Variants in CSGALNACT1 observed in about 807,000 individuals in gnomAD.
CSGALNACT1 encodes chondroitin sulfate N-acetylgalactosaminyltransferase 1, also known as beta4GalNAcT-1.
Under a neutral mutation model 51.0 loss-of-function variants are expected in CSGALNACT1, and 52 were observed. The observed-to-expected ratio is 1.02, with a 90% CI of 0.82 to 1.29. The LOEUF is 1.29. Ranked by LOEUF, CSGALNACT1 falls within the 50% of genes most tolerant of loss-of-function variation. CSGALNACT1 has a pLI of 0.00. For synonymous variants in CSGALNACT1, 341 were observed against 254.4 expected, an observed-to-expected ratio of 1.34 and a Z score of -3.24; for missense variants, 935 against 679.2, an observed-to-expected ratio of 1.38 and a Z score of -4.19.
intron 4 of CSGALNACT1, among the ~76,000 whole-genome samples, chr8:19,501,277 G>C (rs992583555): frequency 1.6e-4 from 24 of 150,398 alleles, no homozygotes; most frequent in Non-Finnish European, 3.0e-4. Flanking sequence ...AAAGAATAAG[G>C]GCAAGCTAGC....
At chr8:19,544,711 G>A (rs1454307352) in intron 3 of CSGALNACT1, among the ~76,000 whole-genome samples, 2 of 152,076 alleles carry the variant, frequency 1.3e-5, no homozygotes, top group Non-Finnish European at 2.9e-5. Context: ...TAAATTCCAG[G>A]GGTGAATTAA....
chr8:19,696,034 C>G (rs2061565289), intron 1 of CSGALNACT1, among the ~76,000 whole-genome samples: 1 of 152,136 alleles, frequency 6.6e-6, no homozygotes, highest in Admixed American at 6.5e-5. Flanking sequence ...TTTAAAGACC[C>G]AAGACCAGTA....
In CSGALNACT1 at chr8:19,584,277, C is replaced by T. The variant is rs1432576785; in HGVS notation, c.-297+6883G>A. Among the ~76,000 whole-genome samples the T allele has an allele frequency of 2.0e-5, 3 of 152,192 alleles. No homozygotes were observed. In the South Asian group the frequency reaches 6.2e-4, roughly 31 times the overall value. On this transcript the variant is annotated intron_variant, in intron 3 of 9. Coordinates refer to ENST00000454498, the Ensembl canonical transcript of CSGALNACT1. ...GCCTGAAAGCTTAGAATCCTGTGGT[C>T]CCAGGCAATGTTATTGGTACTCTGT... is the stretch of plus-strand genomic sequence containing the variant.
In CSGALNACT1 at chr8:19,457,574, C is replaced by G. The variant is rs1287626569; in HGVS notation, c.851+852G>C. On this transcript the variant is annotated intron_variant, in intron 5 of 9. Coordinates refer to ENST00000454498, the Ensembl canonical transcript of CSGALNACT1. ...GTTGCAGTGAGCAGAGTTCGTGCCA[C>G]TGCACTCCAGCCTGGGTGACAGAGT... 4 of 865,688 alleles carry G rather than the reference C, an allele frequency of 4.6e-6. No homozygotes were observed. In the South Asian group the frequency reaches 5.5e-5, roughly 12 times the overall value. The allele number at this position is 865,688 out of a possible 1,614,324, so 53.6% of individuals were successfully genotyped here.
chr8:19,741,987 G>C (rs978915719), intron 1 of CSGALNACT1, among the ~76,000 whole-genome samples: 4 of 152,166 alleles, frequency 2.6e-5, no homozygotes, highest in Non-Finnish European at 5.9e-5. Context: ...GTAACCTTGA[G>C]CAAGACATTA....
At chr8:19,554,028 A>C (rs956227572) in intron 3 of CSGALNACT1, among the ~76,000 whole-genome samples, 2 of 152,144 alleles carry the variant, frequency 1.3e-5, no homozygotes, top group African/African-American at 2.4e-5. Context: ...TCCATTGTTC[A>C]ACATCCAGTT....
At chr8:19,540,133 G>A (rs1413905863) in intron 3 of CSGALNACT1, among the ~76,000 whole-genome samples, 2 of 152,070 alleles carry the variant, frequency 1.3e-5, no homozygotes, top group Non-Finnish European at 2.9e-5. Context: ...TATTCCCATG[G>A]CATGTGTTTT....
At chr8:19,496,835 T>G (rs2075564701) in intron 4 of CSGALNACT1, among the ~76,000 whole-genome samples, 1 of 152,178 alleles carries the variant, frequency 6.6e-6, no homozygotes, top group Non-Finnish European at 1.5e-5. Context: ...GAAGTGGAGC[T>G]TCCTTTCGCA....
intron 4 of CSGALNACT1, among the ~76,000 whole-genome samples, chr8:19,480,171 C>T (rs2070961835): frequency 6.6e-6 from 1 of 152,134 alleles, no homozygotes; most frequent in Non-Finnish European, 1.5e-5. Flanking sequence ...TATAGGTAAA[C>T]TTCTGCCCCA....
At chr8:19,528,092 T>G (rs2082049395) in intron 3 of CSGALNACT1, among the ~76,000 whole-genome samples, 1 of 152,080 alleles carries the variant, frequency 6.6e-6, no homozygotes, top group Non-Finnish European at 1.5e-5. Context: ...TGTTATGAAC[T>G]TGGGGGCTGA....
intron 1 of CSGALNACT1, among the ~76,000 whole-genome samples, chr8:19,635,950 G>A (rs758863243): frequency 1.2e-4 from 19 of 152,120 alleles, no homozygotes; most frequent in Middle Eastern, 3.2e-3. Context: ...GGCTGGTCTC[G>A]AACTCCTGAC....
exon 4 of CSGALNACT1, chr8:19,505,621 C>A (rs777058879): frequency 6.2e-6 from 10 of 1,614,044 alleles, no homozygotes; most frequent in African/African-American, 2.7e-5. Flanking sequence ...AGGCTGCTCA[C>A]GTAGTTGCGG....
chr8:19,543,869 G>A (rs1001573890), intron 3 of CSGALNACT1, among the ~76,000 whole-genome samples: 2 of 152,122 alleles, frequency 1.3e-5, no homozygotes, highest in Admixed American at 6.5e-5. Context: ...CCTGAAACAA[G>A]TCCAAAAACA....
intron 1 of CSGALNACT1, among the ~76,000 whole-genome samples, chr8:19,643,099 A>G (rs1167464468): frequency 2.0e-5 from 3 of 152,080 alleles, no homozygotes; most frequent in Admixed American, 6.6e-5. Flanking sequence ...TAATAAATTG[A>G]ATTAGTAAAT....
intron 1 of CSGALNACT1, among the ~76,000 whole-genome samples, chr8:19,636,314 A>C (rs1024157703): frequency 3.9e-5 from 6 of 152,134 alleles, no homozygotes; most frequent in African/African-American, 1.2e-4. Flanking sequence ...TTTATCATAG[A>C]TAAGTATATA....
intron 1 of CSGALNACT1, among the ~76,000 whole-genome samples, chr8:19,653,036 G>T (rs2057954140): frequency 6.6e-6 from 1 of 152,100 alleles, no homozygotes; most frequent in Non-Finnish European, 1.5e-5. Context: ...GCATACACTT[G>T]TAATGAAAAC....
chr8:19,692,868 T>G (rs958619473), intron 1 of CSGALNACT1, among the ~76,000 whole-genome samples: 1 of 152,182 alleles, frequency 6.6e-6, no homozygotes, highest in Non-Finnish European at 1.5e-5. Context: ...GAATAAGCAC[T>G]GTCACCTGGC....
In CSGALNACT1 at chr8:19,532,301, A is replaced by G. The variant is rs574613271; in HGVS notation, c.-296-26171T>C. 2.1e-3 allele frequency among the ~76,000 whole-genome samples: 322 copies of G among 152,222 alleles called. 3 individuals carry two copies. Among genetic ancestry groups the G allele is most frequent in the African/African-American group, 7.5e-3 (312 of 41,534 alleles). On this transcript the variant is annotated intron_variant, in intron 3 of 9. Transcript: ENST00000454498. ...GCTATACCCACCCTCCTCCCAAAACAACAATTATCCCAGTTTCAATGGATG... is the reference window on the plus strand; with the variant it reads ...GCTATACCCACCCTCCTCCCAAAACGACAATTATCCCAGTTTCAATGGATG...
chr8:19,654,089 A>G (rs1024811759), intron 1 of CSGALNACT1, among the ~76,000 whole-genome samples: 5 of 152,200 alleles, frequency 3.3e-5, no homozygotes, highest in African/African-American at 9.6e-5. Flanking sequence ...GCCTTATTCA[A>G]TCATCACTGA....
Sources: allele counts gnomAD v4.1 joint callset (sites outside exome capture counted in the v4.1 genomes callset), GRCh38; gene constraint gnomAD v4.1.1; transcripts MANE v1.5; gene names NCBI Gene and HGNC (gene_info 2026-07-23, HGNC 2026-07-21).